RTTN: variants seen among roughly 807,000 people sequenced by gnomAD.
RTTN encodes rotatin.
In RTTN, 182 loss-of-function variants were observed where a neutral mutation model predicts 269.2. The observed-to-expected ratio is 0.68, with a 90% CI of 0.60 to 0.76. The LOEUF (loss-of-function observed/expected upper bound fraction) is 0.76. Ranked by LOEUF, RTTN falls within the 30% of genes least tolerant of loss-of-function variation. RTTN has a pLI of 0.00. For synonymous variants in RTTN, 1,006 were observed against 963.5 expected (o/e 1.04, Z -0.82); for missense variants, 2,545 against 2,608.6 (o/e 0.98, Z 0.53).
intron 46 of RTTN, chr18:70,007,821 T>C (rs1231810161): frequency 6.6e-6 from 1 of 152,394 alleles, no homozygotes; most frequent in Admixed American, 6.5e-5. Flanking sequence ...AGGGCGGCTG[T>C]GGGTGCAGCT....
At chr18:70,059,489 A>C (rs1269492332) in intron 36 of RTTN, among the ~76,000 whole-genome samples, 4 of 152,216 alleles carry the variant, frequency 2.6e-5, no homozygotes, top group African/African-American at 9.6e-5. Context: ...CATTATTCTG[A>C]TATGACCACT....
intron 32 of RTTN, among the ~76,000 whole-genome samples, chr18:70,077,299 C>T (rs117414880): frequency 0.028 from 4,327 of 151,910 alleles, 82 homozygotes; most frequent in Non-Finnish European, 0.046. Flanking sequence ...CTATCAGTTA[C>T]CACAACCCAA....
intron 40 of RTTN, among the ~76,000 whole-genome samples, chr18:70,036,641 C>G (rs1016106109): frequency 5.3e-5 from 8 of 152,198 alleles, no homozygotes; most frequent in African/African-American, 1.7e-4. Context: ...ACCAAACCCC[C>G]ATGATACAAG....
At chr18:70,052,310 C>A (rs2057692768) in intron 38 of RTTN, among the ~76,000 whole-genome samples, 1 of 152,166 alleles carries the variant, frequency 6.6e-6, no homozygotes, top group Non-Finnish European at 1.5e-5. Flanking sequence ...GAAAACTGCA[C>A]CTTCCCCAGG....
intron 29 of RTTN, among the ~76,000 whole-genome samples, 197 bp downstream of exon 29, chr18:70,092,479 C>A (rs1182477266): frequency 2.0e-5 from 3 of 152,170 alleles, no homozygotes; most frequent in Non-Finnish European, 4.4e-5. Flanking sequence ...ACATTTGAAT[C>A]AATTTCAAAT....
rs187326236 is a variant in RTTN, at chr18:70,084,165, C to T, written c.4374+2448G>A. Reference sequence around the variant, plus strand: ...AAAGCCTATGAAACAAGAGCACTAGCGGGCATTAATTTAGACTGCAGGCAG... The same window carrying T: ...AAAGCCTATGAAACAAGAGCACTAGTGGGCATTAATTTAGACTGCAGGCAG... On this transcript the variant is annotated intron_variant, in intron 32 of 48. Coordinates refer to ENST00000640769, the MANE Select transcript of RTTN (RefSeq NM_173630.4). Among the ~76,000 whole-genome samples the T allele has an allele frequency of 2.9e-3, 443 of 151,488 alleles. 1 individual carries two copies. The highest frequency in any genetic ancestry group is 3.4e-3 in the Middle Eastern group (1 of 294).
Position 70,203,241 on chromosome 18 carries a change from C to T in RTTN, c.397+845G>A, listed in dbSNP as rs2061996613. Reference sequence around the variant, plus strand: ...TCGAGATGGAGTCTTGCTCTGTCACCCAGGCTGGAGTGCAATGGAGTGATC... The same window carrying T: ...TCGAGATGGAGTCTTGCTCTGTCACTCAGGCTGGAGTGCAATGGAGTGATC... On this transcript the variant is annotated intron_variant, in intron 3 of 48. Coordinates refer to ENST00000640769, the MANE Select transcript of RTTN (RefSeq NM_173630.4). Among the ~76,000 whole-genome samples, 3 of 152,054 alleles carry T rather than the reference C, an allele frequency of 2.0e-5. No homozygotes were observed. In the South Asian group the frequency reaches 6.2e-4, roughly 32 times the overall value.
intron 45 of RTTN, chr18:70,019,803 CTTTCTA>C: frequency 6.6e-6 from 1 of 152,256 alleles, no homozygotes; most frequent in African/African-American, 2.4e-5. Flanking sequence ...AAAGACCGAA[CTTTCTA>C]TTTATGTGGT....
intron 14 of RTTN, among the ~76,000 whole-genome samples, chr18:70,153,136 C>T (rs993526172): frequency 4.6e-5 from 7 of 152,154 alleles, no homozygotes; most frequent in Admixed American, 2.6e-4. Flanking sequence ...ATTTAGTCCA[C>T]GTTACTAGTC....
chr18:70,165,063 T>A (rs918658038), intron 14 of RTTN, among the ~76,000 whole-genome samples: 3 of 152,148 alleles, frequency 2.0e-5, no homozygotes, highest in Admixed American at 2.0e-4. Context: ...AAATTACTAT[T>A]CAAAATAAAG....
intron 26 of RTTN, among the ~76,000 whole-genome samples, chr18:70,117,998 A>T (rs937609169): frequency 6.6e-6 from 1 of 152,150 alleles, no homozygotes; most frequent in Admixed American, 6.5e-5. Context: ...TCTAAGAAGG[A>T]CATACATAAC....
intron 42 of RTTN, among the ~76,000 whole-genome samples, chr18:70,029,634 T>A (rs550524433): frequency 1.4e-4 from 22 of 152,306 alleles, no homozygotes; most frequent in Admixed American, 2.6e-4. Context: ...GTTTCAATAG[T>A]GGCTGACATA....
At chr18:70,192,412 G>C (rs554657324) in intron 8 of RTTN, among the ~76,000 whole-genome samples, 10 of 152,174 alleles carry the variant, frequency 6.6e-5, no homozygotes, top group Non-Finnish European at 1.5e-4. Context: ...CAAGCATGGT[G>C]ACTCATGTCT....
intron 28 of RTTN, among the ~76,000 whole-genome samples, chr18:70,104,257 C>T (rs2059260286): frequency 1.3e-5 from 2 of 151,934 alleles, no homozygotes; most frequent in Non-Finnish European, 2.9e-5. Flanking sequence ...ATCACTGATA[C>T]CCTTTCTTCC....
chr18:70,075,270 T>A, intron 33 of RTTN, 82 bp downstream of exon 33: 1 of 1,024,912 alleles, frequency 9.8e-7, no homozygotes, highest in Non-Finnish European at 1.4e-6. Flanking sequence ...TTTTTCAAAT[T>A]TTTAAAACAA....
At chr18:70,120,953 A>C (rs2059720644) in intron 26 of RTTN, among the ~76,000 whole-genome samples, 1 of 152,102 alleles carries the variant, frequency 6.6e-6, no homozygotes. Flanking sequence ...CAGGAGGCTG[A>C]GGCAGGAGAA....
chr18:70,072,742 A>C (rs2058328822), intron 34 of RTTN, among the ~76,000 whole-genome samples: 1 of 152,132 alleles, frequency 6.6e-6, no homozygotes, highest in Non-Finnish European at 1.5e-5. Context: ...TAACAAACAA[A>C]ATTTACTTTT....
At chr18:70,081,941 T>C (rs945004153) in intron 32 of RTTN, among the ~76,000 whole-genome samples, 5 of 152,162 alleles carry the variant, frequency 3.3e-5, no homozygotes, top group African/African-American at 9.7e-5. Context: ...TCTACAACTC[T>C]CCAATAGTTT....
chr18:70,005,490 T>G (rs2056156411), intron 47 of RTTN: 2 of 378,904 alleles, frequency 5.3e-6, no homozygotes, highest in Non-Finnish European at 9.4e-6. Context: ...TCTTTCTCTA[T>G]TCCCATTTTC....
Sources: gnomAD v4.1 joint callset for allele counts (sites outside exome capture counted in the v4.1 genomes callset) on GRCh38, gnomAD v4.1.1 for gene constraint, MANE v1.5 for transcripts, NCBI Gene and HGNC (gene_info 2026-07-23, HGNC 2026-07-21) for gene names.